The following IL1RAPL1 variants were observed in gnomAD, a reference collection of about 807,000 sequenced individuals.
The protein encoded by IL1RAPL1 is interleukin-1 receptor accessory protein-like 1.
IL1RAPL1 carries 3 observed loss-of-function variants against 48.4 expected under a neutral mutation model. The ratio of observed to expected loss-of-function variants is 0.06; its 90% confidence interval spans 0.03 to 0.16. The LOEUF (loss-of-function observed/expected upper bound fraction) is 0.16, where lower values mean the gene tolerates loss of function less well. Among genes scored for constraint, IL1RAPL1 ranks in the 10% least tolerant of loss-of-function variants. The pLI, the probability that IL1RAPL1 is intolerant of heterozygous loss-of-function variation, is 1.00. For synonymous variants in IL1RAPL1, 185 were observed against 187.7 expected, an observed-to-expected ratio of 0.99 and a Z score of 0.12; for missense variants, 349 against 530.6, an observed-to-expected ratio of 0.66 and a Z score of 3.36.
intron 6 of IL1RAPL1, among the ~76,000 whole-genome samples, chrX:29,750,084 C>T (rs1601807508): frequency 1.8e-5 from 2 of 111,894 alleles, no homozygotes; most frequent in East Asian, 2.8e-4. Flanking sequence ...CTTGTGACAC[C>T]TCAATTCTCC....
At chrX:29,317,839 T>C (rs981699553) in intron 3 of IL1RAPL1, among the ~76,000 whole-genome samples, 1 of 112,264 alleles carries the variant, frequency 8.9e-6, no homozygotes, top group African/African-American at 3.2e-5. Context: ...TTCTTTCCCA[T>C]ATATTCTCTC....
chrX:29,634,714 C>A (rs1466581859), intron 5 of IL1RAPL1, among the ~76,000 whole-genome samples: 1 of 111,693 alleles, frequency 9.0e-6, no homozygotes, highest in Non-Finnish European at 1.9e-5. Flanking sequence ...TAGCAATCAC[C>A]ATCCTTCTGC....
chrX:29,339,104 A>ACACACG (rs1179023594), intron 3 of IL1RAPL1, among the ~76,000 whole-genome samples: 4 of 110,028 alleles, frequency 3.6e-5, no homozygotes. Flanking sequence ...ACACACACAC[A>ACACACG]CACACACACG....
At chrX:28,934,898 A>T (rs1395688530) in intron 2 of IL1RAPL1, among the ~76,000 whole-genome samples, 1 of 111,748 alleles carries the variant, frequency 8.9e-6, no homozygotes, top group Non-Finnish European at 1.9e-5. Flanking sequence ...ATGCTGTGTC[A>T]TATAGTAACT....
At position 29,022,494 on chromosome X, in the gene IL1RAPL1, C is replaced by A. The variant is rs1047952156; in HGVS notation, c.82+233069C>A. On this transcript the variant is annotated intron_variant, in intron 2 of 10. Coordinates refer to ENST00000378993, the MANE Select transcript of IL1RAPL1 (RefSeq NM_014271.4). ...AAATCAGGTGATCAGAATATAGAAA[C>A]AATGAAAAGTAGATATTGAGAAAAT... is the stretch of plus-strand genomic sequence containing the variant. 5.4e-5 allele frequency among the ~76,000 whole-genome samples: 6 copies of A among 111,506 alleles called. No homozygotes were observed. In the East Asian group the frequency reaches 1.4e-3, roughly 26 times the overall value.
intron 3 of IL1RAPL1, among the ~76,000 whole-genome samples, chrX:29,341,900 G>A (rs1339210825): frequency 1.8e-5 from 2 of 110,534 alleles, no homozygotes; most frequent in African/African-American, 3.3e-5. Flanking sequence ...TCTGCCTCCC[G>A]GGTTCAAGAG....
chrX:29,475,716 C>T (rs970554236), intron 5 of IL1RAPL1, among the ~76,000 whole-genome samples: 1 of 111,419 alleles, frequency 9.0e-6, no homozygotes, highest in Non-Finnish European at 1.9e-5. Flanking sequence ...TGGGCATGTT[C>T]TTCATTTGGT....
intron 8 of IL1RAPL1, among the ~76,000 whole-genome samples, chrX:29,927,652 G>A (rs1244888805): frequency 2.7e-5 from 3 of 111,571 alleles, no homozygotes; most frequent in African/African-American, 9.7e-5. Context: ...ATGTCTCAAC[G>A]ACATATATAT....
intron 2 of IL1RAPL1, among the ~76,000 whole-genome samples, chrX:29,072,128 T>A (rs1476883777): frequency 9.1e-6 from 1 of 110,072 alleles, no homozygotes; most frequent in Non-Finnish European, 1.9e-5. Flanking sequence ...AGCAGGGCCA[T>A]TAAATAAAGT....
At chrX:29,372,773 C>CTTTTTTTTTTTTTTTTT (rs1160543169) in intron 3 of IL1RAPL1, among the ~76,000 whole-genome samples, 2 of 63,487 alleles carry the variant, frequency 3.2e-5, no homozygotes, top group African/African-American at 6.3e-5. Flanking sequence ...GTCTATGTGT[C>CTTTTTTTTTTTTTTTTT]TTTTTTTTTT....
intron 2 of IL1RAPL1, among the ~76,000 whole-genome samples, chrX:29,233,639 C>T (rs1931240091): frequency 9.0e-6 from 1 of 110,960 alleles, no homozygotes; most frequent in African/African-American, 3.3e-5. Context: ...CCAGTAAAAT[C>T]CCCTTCCCTT....
At chrX:29,856,841 T>C (rs1931486106) in intron 6 of IL1RAPL1, among the ~76,000 whole-genome samples, 1 of 112,180 alleles carries the variant, frequency 8.9e-6, no homozygotes, top group South Asian at 3.6e-4. Flanking sequence ...TGCATAAGTG[T>C]ATATTGCATT....
chrX:29,726,257 T>G (rs1425500341), intron 6 of IL1RAPL1, among the ~76,000 whole-genome samples: 1 of 112,472 alleles, frequency 8.9e-6, no homozygotes, highest in Non-Finnish European at 1.9e-5. Context: ...TAAAATTATA[T>G]GTATTTATCT....
At chrX:29,236,545 C>CTTTTT (rs754996544) in intron 2 of IL1RAPL1, among the ~76,000 whole-genome samples, 6 of 63,176 alleles carry the variant, frequency 9.5e-5, no homozygotes, top group East Asian at 5.2e-4. Flanking sequence ...CTTTTTTTTT[C>CTTTTT]TTTTTTTTTT....
At chrX:28,976,432 G>T (rs1474916692) in intron 2 of IL1RAPL1, among the ~76,000 whole-genome samples, 1 of 111,832 alleles carries the variant, frequency 8.9e-6, no homozygotes, top group Non-Finnish European at 1.9e-5. Flanking sequence ...ATGAATCCAA[G>T]ATTTTTGTTT....
chrX:28,980,578 G>A (rs1253302178), intron 2 of IL1RAPL1, among the ~76,000 whole-genome samples: 2 of 111,960 alleles, frequency 1.8e-5, no homozygotes, highest in Non-Finnish European at 3.8e-5. Context: ...TATGATGCTT[G>A]TAATTAGTTT....
At position 29,338,281 on chromosome X, in the gene IL1RAPL1, A is replaced by G. The variant is rs770161645; in HGVS notation, c.362+55064A>G. Reference sequence around the variant, plus strand: ...GGCACACACACACATACACACACACACACGCACATTGCTGAGCCAAATACA... The same window carrying G: ...GGCACACACACACATACACACACACGCACGCACATTGCTGAGCCAAATACA... On this transcript the variant is annotated intron_variant, in intron 3 of 10. Transcript: ENST00000378993. 1.3e-4 allele frequency among the ~76,000 whole-genome samples: 14 copies of G among 111,523 alleles called. No individual in the cohort carries two copies. The East Asian group carries it at 3.4e-3, about 27-fold the overall frequency.
chrX:29,562,295 C>A (rs1216242517), intron 5 of IL1RAPL1, among the ~76,000 whole-genome samples: 2 of 109,125 alleles, frequency 1.8e-5, no homozygotes, highest in Admixed American at 1.0e-4. Flanking sequence ...GATATGAGTT[C>A]TTTTTCTAAA....
intron 5 of IL1RAPL1, among the ~76,000 whole-genome samples, chrX:29,434,309 T>C (rs906340961): frequency 4.5e-5 from 5 of 109,980 alleles, no homozygotes; most frequent in African/African-American, 1.6e-4. Context: ...AAAATGTCAT[T>C]AGGCTGAGAA....
Sources: allele counts gnomAD v4.1 joint callset (sites outside exome capture counted in the v4.1 genomes callset), GRCh38; gene constraint gnomAD v4.1.1; transcripts MANE v1.5; gene names NCBI Gene and HGNC (gene_info 2026-07-23, HGNC 2026-07-21).